SULF2: variants seen among roughly 807,000 people sequenced by gnomAD.
SULF2 encodes sulfatase 2.
A neutral mutation model predicts 107.7 loss-of-function variants in SULF2; 52 were observed. The ratio of observed to expected loss-of-function variants is 0.48; its 90% CI spans 0.39 to 0.61. The LOEUF (loss-of-function observed/expected upper bound fraction) is 0.61, where lower values mean the gene tolerates loss of function less well. Ranked by LOEUF, SULF2 falls within the 20% of genes least tolerant of loss-of-function variation. SULF2 has a pLI of 0.00. For missense variants in SULF2, 993 were observed against 1,177.3 expected (o/e 0.84, Z 2.29); for synonymous variants, 460 against 464.3 (o/e 0.99, Z 0.12).
intron 11 of SULF2, among the ~76,000 whole-genome samples, chr20:47,669,079 G>A (rs573662168): frequency 6.6e-6 from 1 of 152,278 alleles, no homozygotes; most frequent in East Asian, 1.9e-4. Context: ...TTTCACCAGC[G>A]GAAGTGGCCC....
At chr20:47,677,221 A>C (rs925267188) in intron 8 of SULF2, 87 bp from the exon 9 acceptor site, 22 of 1,477,712 alleles carry the variant, frequency 1.5e-5, no homozygotes, top group Non-Finnish European at 1.7e-5. Context: ...CGGCACCAGG[A>C]GTCAGCCTTG....
chr20:47,720,444 G>C (rs1376398129), intron 3 of SULF2, among the ~76,000 whole-genome samples: 2 of 151,934 alleles, frequency 1.3e-5, no homozygotes, highest in Admixed American at 1.3e-4. Flanking sequence ...TTTTAGTAGA[G>C]ACAGGGTTTC....
At chr20:47,761,017 G>A (rs1591169) in intron 1 of SULF2, among the ~76,000 whole-genome samples, 76,902 of 152,108 alleles carry the variant, frequency 0.51, 20,832 homozygotes, top group African/African-American at 0.71. Context: ...TTCCTCATCT[G>A]TGAAATGGGT....
In SULF2 at chr20:47,708,340, G is replaced by A. The variant is rs946659041; in HGVS notation, c.416-5670C>T. The stretch of plus-strand genomic sequence containing the variant: ...CAAAGTCCCTGAAGCCAGTACAAAC[G>A]TGGGGGCATCGCAGAACCCAAGGGG... On this transcript the variant is annotated intron_variant, in intron 3 of 20. Transcript: ENST00000688720. Among the ~76,000 whole-genome samples the A allele has an allele frequency of 3.3e-5, 5 of 152,124 alleles. No individual in the cohort carries two copies. The East Asian group carries it at 5.8e-4, about 18-fold the overall frequency.
At chr20:47,775,233 C>T (rs549958612) in intron 1 of SULF2, among the ~76,000 whole-genome samples, 4 of 152,288 alleles carry the variant, frequency 2.6e-5, no homozygotes, top group African/African-American at 7.2e-5. Context: ...CTTAAGAGAC[C>T]GTGGCAGCTT....
chr20:47,676,718 C>T lies in SULF2; in HGVS notation c.1251-95G>A, dbSNP rs141423943. 166 of 1,469,572 alleles carry T rather than the reference C, an allele frequency of 1.1e-4. No individual in the cohort carries two copies. The African/African-American group carries it at 1.4e-3, about 13-fold the overall frequency. The allele number at this position is 1,469,572 out of a possible 1,614,324, so 91.0% of individuals were successfully genotyped here. A position where few individuals can be genotyped will look rare whatever the true frequency, so the allele number is the denominator to read the frequency against. On this transcript the variant is annotated intron_variant, in intron 9 of 20. Transcript: ENST00000688720. ...CCCACCTAGAGGGGTGCCCCCTCGGCTCCGGCTTTTCCTCACAGTGGAGGG... is the reference window on the plus strand; with the variant it reads ...CCCACCTAGAGGGGTGCCCCCTCGGTTCCGGCTTTTCCTCACAGTGGAGGG...
intron 17 of SULF2, among the ~76,000 whole-genome samples, chr20:47,662,738 G>A (rs450110): frequency 0.056 from 8,516 of 152,056 alleles, 323 homozygotes; most frequent in Middle Eastern, 0.083. Context: ...TGCAGTGGGT[G>A]ATATTTGGCT....
In SULF2 at chr20:47,757,182, G is replaced by C; in HGVS notation, c.175+7C>G. On this transcript the variant is annotated splice_region_variant and intron_variant, in intron 2 of 20. Coordinates refer to ENST00000688720, the MANE Select transcript of SULF2 (RefSeq NM_001387048.1). Reference sequence around the variant, plus strand: ...CCGAGGTGCCACCCTGGGGCCCCGAGGCTTACCCAGCTCCACATCCTGGTC... The same window carrying C: ...CCGAGGTGCCACCCTGGGGCCCCGACGCTTACCCAGCTCCACATCCTGGTC... The C allele has an allele frequency of 1.3e-6, 2 of 1,548,618 alleles. No homozygotes were observed. Among genetic ancestry groups the C allele is most frequent in the Non-Finnish European group, 1.7e-6 (2 of 1,144,014 alleles).
At chr20:47,758,516 T>G (rs1453368265) in intron 1 of SULF2, among the ~76,000 whole-genome samples, 1 of 151,966 alleles carries the variant, frequency 6.6e-6, no homozygotes, top group African/African-American at 2.4e-5. Context: ...ATAGAGAAAA[T>G]TGAGCGCTAA....
At position 47,694,716 on chromosome 20, in the gene SULF2, T is replaced by C. The variant is rs997432099; in HGVS notation, c.568-4421A>G. On this transcript the variant is annotated intron_variant, in intron 4 of 20. Coordinates refer to ENST00000688720, the MANE Select transcript of SULF2 (RefSeq NM_001387048.1). The surrounding 1 kb of genome is among the most constrained non-coding windows in gnomAD (Gnocchi z 4.4). ...CTGCGGAGACTGCCAGCCTCAGCCC[T>C]AGGCAAAAGCGTGTTTCCCTCGAGT... 6.6e-6 allele frequency among the ~76,000 whole-genome samples: 1 copy of C among 152,166 alleles called. No homozygotes were observed. The highest frequency in any genetic ancestry group is 1.5e-5 in the Non-Finnish European group (1 of 68,028).
intron 3 of SULF2, among the ~76,000 whole-genome samples, chr20:47,728,938 G>A (rs1472344690): frequency 2.6e-5 from 4 of 152,180 alleles, no homozygotes; most frequent in East Asian, 1.9e-4. Flanking sequence ...GAGCCACCAC[G>A]CCCAGCCTGA....
chr20:47,760,332 C>G (rs1327173832), intron 1 of SULF2, among the ~76,000 whole-genome samples: 2 of 152,150 alleles, frequency 1.3e-5, no homozygotes, highest in African/African-American at 4.8e-5. Flanking sequence ...GTGGGAAGTC[C>G]GTGCATTTAT....
intron 3 of SULF2, among the ~76,000 whole-genome samples, chr20:47,721,813 G>C (rs770799182): frequency 1.6e-4 from 24 of 152,218 alleles, no homozygotes; most frequent in South Asian, 1.4e-3. Context: ...TTCTGATGAG[G>C]CTCTTTCTAG....
intron 2 of SULF2, among the ~76,000 whole-genome samples, chr20:47,737,353 T>A (rs1311545494): frequency 1.4e-5 from 1 of 69,080 alleles, no homozygotes; most frequent in East Asian, 1.2e-3. Flanking sequence ...GGTATTAATA[T>A]ACATTGTTTT....
chr20:47,681,613 G>A (rs1338187705), intron 7 of SULF2, among the ~76,000 whole-genome samples: 2 of 152,116 alleles, frequency 1.3e-5, no homozygotes, highest in Admixed American at 6.5e-5. Flanking sequence ...TAACCTCTCC[G>A]TGCCTCAGTG....
chr20:47,776,964 T>C (rs545659759), intron 1 of SULF2, among the ~76,000 whole-genome samples: 1 of 152,320 alleles, frequency 6.6e-6, no homozygotes, highest in Admixed American at 6.5e-5. Context: ...TTTCTTTTCT[T>C]GCTTCCTTCA....
At chr20:47,783,599 CAT>C (rs749820209) in intron 1 of SULF2, among the ~76,000 whole-genome samples, 4 of 152,138 alleles carry the variant, frequency 2.6e-5, no homozygotes, top group African/African-American at 4.8e-5. Context: ...GAAAATTTAA[CAT>C]GTTATTAGGG....
At chr20:47,745,470 C>T in intron 2 of SULF2, among the ~76,000 whole-genome samples, 1 of 101,704 alleles carries the variant, frequency 9.8e-6, no homozygotes, top group African/African-American at 3.6e-5. Context: ...CATACACACA[C>T]ACTTTTTTAG....
chr20:47,757,425 G>GGATGCGGGAGT lies in SULF2; in HGVS notation c.-63_-62insACTCCCGCATC. The GGATGCGGGAGT allele has an allele frequency of 6.7e-7, 1 of 1,494,002 alleles. No individual in the cohort carries two copies. Among genetic ancestry groups the GGATGCGGGAGT allele is most frequent in the East Asian group, 2.5e-5 (1 of 40,378 alleles). The allele number at this position is 1,494,002 out of a possible 1,614,324, so 92.5% of individuals were successfully genotyped here. ...GCGGGAGTCTCAAGTTGCGTCTGTG[G>GGATGCGGGAGT]CTTTGTTTCTTTTCCCTCGTCCCTC... On this transcript the variant is annotated 5_prime_UTR_variant, in exon 2 of 21. Coordinates refer to ENST00000688720, the MANE Select transcript of SULF2 (RefSeq NM_001387048.1).
Sources: allele counts gnomAD v4.1 joint callset (sites outside exome capture counted in the v4.1 genomes callset), GRCh38; gene constraint gnomAD v4.1.1; non-coding constraint Gnocchi (gnomAD v3.1); transcripts MANE v1.5; gene names NCBI Gene and HGNC (gene_info 2026-07-23, HGNC 2026-07-21).